Variants in FGF12 observed in about 807,000 individuals in gnomAD.
The protein encoded by FGF12 is fibroblast growth factor 12B.
Under a neutral mutation model 23.6 loss-of-function variants are expected in FGF12, and 14 were observed. The ratio of observed to expected loss-of-function variants is 0.59; its 90% CI spans 0.39 to 0.93. The LOEUF (loss-of-function observed/expected upper bound fraction) is 0.93. Ranked by LOEUF, FGF12 falls within the 40% of genes least tolerant of loss-of-function variation. The probability of loss-of-function intolerance (pLI) is 0.00; values close to 1 mark genes in which losing one functional copy is unlikely to be tolerated. For synonymous variants in FGF12, 62 were observed against 77.3 expected (o/e 0.80, Z 1.04); for missense variants, 175 against 217.8 (o/e 0.80, Z 1.24).
intron 4 of FGF12, among the ~76,000 whole-genome samples, chr3:192,291,210 T>C (rs1000000049): frequency 1.3e-5 from 2 of 152,220 alleles, no homozygotes; most frequent in East Asian, 3.8e-4. Context: ...TATATATTTT[T>C]ATAAAACACT....
At chr3:192,498,561 A>G (rs1416662411) in intron 2 of FGF12, among the ~76,000 whole-genome samples, 3 of 150,708 alleles carry the variant, frequency 2.0e-5, no homozygotes, top group Admixed American at 2.0e-4. Context: ...GTCAGTCTGG[A>G]TATTGGAGTC....
chr3:192,331,671 T>C (rs1370029130), intron 4 of FGF12, among the ~76,000 whole-genome samples: 2 of 152,056 alleles, frequency 1.3e-5, no homozygotes, highest in East Asian at 1.9e-4. Flanking sequence ...AAGTAAAAAA[T>C]AGTGGTTGCT....
At chr3:192,449,662 C>A (rs1176478406) in intron 2 of FGF12, among the ~76,000 whole-genome samples, 1 of 152,210 alleles carries the variant, frequency 6.6e-6, no homozygotes, top group Non-Finnish European at 1.5e-5. Flanking sequence ...CGGTTGCACC[C>A]AGCACTGACT....
At chr3:192,668,392 C>A (rs1716978326) in intron 2 of FGF12, among the ~76,000 whole-genome samples, 1 of 152,088 alleles carries the variant, frequency 6.6e-6, no homozygotes, top group Non-Finnish European at 1.5e-5. Context: ...CAATGGGGGA[C>A]AAATATGACT....
intron 2 of FGF12, among the ~76,000 whole-genome samples, chr3:192,402,229 T>G (rs949139958): frequency 1.6e-4 from 25 of 152,204 alleles, no homozygotes; most frequent in African/African-American, 6.0e-4. Context: ...GTTAAGAGAG[T>G]CTGGCCCTCT....
intron 2 of FGF12, among the ~76,000 whole-genome samples, chr3:192,440,505 G>A (rs906975855): frequency 6.6e-5 from 10 of 152,118 alleles, no homozygotes; most frequent in South Asian, 2.1e-4. Flanking sequence ...TACCATCCAC[G>A]GAATGTAGCG....
chr3:192,561,299 T>G (rs1197819454), intron 2 of FGF12, among the ~76,000 whole-genome samples: 4 of 151,890 alleles, frequency 2.6e-5, no homozygotes, highest in Non-Finnish European at 5.9e-5. Flanking sequence ...AATAAGTACA[T>G]GAAAAGTTAT....
chr3:192,591,004 G>A (rs956094020), intron 2 of FGF12, among the ~76,000 whole-genome samples: 1 of 151,242 alleles, frequency 6.6e-6, no homozygotes, highest in Non-Finnish European at 1.5e-5. Context: ...CAAACTGTCT[G>A]TCTCCTCAAG....
At chr3:192,594,424 C>T (rs1713754077) in intron 2 of FGF12, among the ~76,000 whole-genome samples, 1 of 151,762 alleles carries the variant, frequency 6.6e-6, no homozygotes, top group South Asian at 2.1e-4. Context: ...GAAAAAATCA[C>T]CCAGGCCTTG....
At chr3:192,574,518 C>T (rs1016574491) in intron 2 of FGF12, among the ~76,000 whole-genome samples, 3 of 152,114 alleles carry the variant, frequency 2.0e-5, no homozygotes, top group Non-Finnish European at 2.9e-5. Context: ...TAGTTCATGT[C>T]GTCCTACTCA....
At chr3:192,167,681 T>C (rs1352882564) in intron 5 of FGF12, among the ~76,000 whole-genome samples, 1 of 134,094 alleles carries the variant, frequency 7.5e-6, no homozygotes, top group African/African-American at 2.9e-5. Flanking sequence ...AGAGGAAACT[T>C]GATTAACCAA....
At position 192,361,583 on chromosome 3, in the gene FGF12, T is replaced by G. The variant is rs547592624; in HGVS notation, c.14-1045A>C. Among the ~76,000 whole-genome samples the G allele has an allele frequency of 1.8e-4, 28 of 152,288 alleles. No individual in the cohort carries two copies. The South Asian group carries it at 4.3e-3, about 24-fold the overall frequency. On this transcript the variant is annotated intron_variant, in intron 2 of 5. Transcript: ENST00000445105. The stretch of plus-strand genomic sequence containing the variant: ...AATCGCTGAATTTAAGCTAGTCAAC[T>G]TCATCCTTCATCCATTTATTCAACT...
intron 2 of FGF12, among the ~76,000 whole-genome samples, chr3:192,387,540 A>G (rs1291263539): frequency 6.6e-6 from 1 of 152,094 alleles, no homozygotes; most frequent in Non-Finnish European, 1.5e-5. Context: ...TAGTATAGTT[A>G]TTTTCAGTAA....
intron 2 of FGF12, among the ~76,000 whole-genome samples, chr3:192,585,848 T>C (rs928715853): frequency 6.6e-6 from 1 of 152,170 alleles, no homozygotes; most frequent in African/African-American, 2.4e-5. Context: ...TGAAACCCCA[T>C]GATTACTTAT....
intron 4 of FGF12, among the ~76,000 whole-genome samples, chr3:192,257,440 T>C (rs1192232919): frequency 6.6e-6 from 1 of 152,144 alleles, no homozygotes; most frequent in Non-Finnish European, 1.5e-5. Flanking sequence ...CACATATTGC[T>C]TGTAATCGTG....
intron 2 of FGF12, among the ~76,000 whole-genome samples, chr3:192,604,275 A>G (rs914202146): frequency 3.9e-5 from 6 of 152,202 alleles, no homozygotes; most frequent in Admixed American, 2.6e-4. Context: ...TTGTACAGTT[A>G]ACACAATTAT....
intron 5 of FGF12, among the ~76,000 whole-genome samples, chr3:192,168,061 G>A (rs115824184): frequency 0.025 from 3,789 of 151,802 alleles, 174 homozygotes; most frequent in African/African-American, 0.087. Context: ...CACCAAGCCT[G>A]GCCTAGGTGT....
chr3:192,204,596 G>A (rs888514396), intron 4 of FGF12, among the ~76,000 whole-genome samples: 4 of 152,140 alleles, frequency 2.6e-5, no homozygotes, highest in African/African-American at 4.8e-5. Context: ...TTTCAGATTT[G>A]CACTTGGAGC....
chr3:192,328,318 G>T (rs1377573926), intron 4 of FGF12, among the ~76,000 whole-genome samples: 1 of 152,226 alleles, frequency 6.6e-6, no homozygotes, highest in African/African-American at 2.4e-5. Flanking sequence ...CACAATATCT[G>T]TGGAGTCAGA....
Sources: gnomAD v4.1 joint callset for allele counts (sites outside exome capture counted in the v4.1 genomes callset) on GRCh38, gnomAD v4.1.1 for gene constraint, MANE v1.5 for transcripts, NCBI Gene and HGNC (gene_info 2026-07-23, HGNC 2026-07-21) for gene names.